The following DUSP16 variants were observed in gnomAD, a reference collection of about 807,000 sequenced individuals.
The protein encoded by DUSP16 is dual specificity phosphatase 16.
In DUSP16, 21 loss-of-function variants were observed where a neutral mutation model predicts 58.3. That is an observed-to-expected ratio of 0.36 (90% CI 0.26 to 0.52). The LOEUF is 0.52. Among genes scored for constraint, DUSP16 ranks in the 20% least tolerant of loss-of-function variants. DUSP16 has a pLI of 0.94. For missense variants in DUSP16, 726 were observed against 819.0 expected, an observed-to-expected ratio of 0.89 and a Z score of 1.39; for synonymous variants, 320 against 323.8, an observed-to-expected ratio of 0.99 and a Z score of 0.12.
chr12:12,553,272 AG>A (rs1294150789), intron 1 of DUSP16, among the ~76,000 whole-genome samples: 1 of 152,188 alleles, frequency 6.6e-6, no homozygotes, highest in East Asian at 1.9e-4. Flanking sequence ...ACAAAAAAAT[AG>A]CACTTTTAAG....
intron 2 of DUSP16, 86 bp downstream of exon 2, chr12:12,520,785 T>G: frequency 6.7e-7 from 1 of 1,481,970 alleles, no homozygotes; most frequent in Non-Finnish European, 9.1e-7. Context: ...AATTACTTTC[T>G]CTACTTAAAG....
rs1255427367 is a variant in DUSP16 at position 12,562,258 on chromosome 12, G to C, written c.-507C>G. 1 of 151,296 alleles carries C rather than the reference G, an allele frequency of 6.6e-6. No individual in the cohort carries two copies. Among genetic ancestry groups the C allele is most frequent in the Non-Finnish European group, 1.5e-5 (1 of 67,848 alleles). The allele number at this position is 151,296 out of a possible 1,614,324, so 9.4% of individuals were successfully genotyped here. Reference sequence around the variant, plus strand: ...GCGGCTGCGCTCCCGCTCGCGTCCCGTCCCGTCGCTCTCCTCCTCCTCTTC... The same window carrying C: ...GCGGCTGCGCTCCCGCTCGCGTCCCCTCCCGTCGCTCTCCTCCTCCTCTTC... On this transcript the variant is annotated 5_prime_UTR_variant, in exon 1 of 7. Coordinates refer to ENST00000298573, the MANE Select transcript of DUSP16 (RefSeq NM_030640.3).
chr12:12,557,995 C>G lies in DUSP16; in HGVS notation c.-366+4122G>C, dbSNP rs376488521. ...AATTCTATTATCTCTATGAAGATTA[C>G]CTCCCTGAGCCCTCTTTCTCTTTTG... On this transcript the variant is annotated intron_variant, in intron 1 of 6. Coordinates refer to ENST00000298573, the MANE Select transcript of DUSP16 (RefSeq NM_030640.3). 6.6e-5 allele frequency among the ~76,000 whole-genome samples: 10 copies of G among 152,236 alleles called. No individual in the cohort carries two copies. The East Asian group carries it at 1.7e-3, about 26-fold the overall frequency.
At position 12,500,694 on chromosome 12, in the gene DUSP16, C is replaced by T. The variant is rs1427498786; in HGVS notation, c.368-12G>A. ...CTCAGCAAACCCACCTAAGAATAAA[C>T]ATTATAAAATTATAAAAAATTATGC... is the stretch of plus-strand genomic sequence containing the variant. On this transcript the variant is annotated splice_polypyrimidine_tract_variant and intron_variant, in intron 3 of 6. Transcript: ENST00000298573. 3.2e-6 allele frequency: 5 copies of T among 1,538,768 alleles called. No individual in the cohort carries two copies. The East Asian group carries it at 9.5e-5, about 29-fold the overall frequency.
intron 1 of DUSP16, chr12:12,561,049 CAGAGT>C (rs1223008771): frequency 4.0e-5 from 6 of 150,558 alleles, no homozygotes; most frequent in South Asian, 2.1e-4. Flanking sequence ...CTTGAAAGAG[CAGAGT>C]ATTTACTTAT....
intron 1 of DUSP16, among the ~76,000 whole-genome samples, chr12:12,531,273 C>G (rs1213948804): frequency 6.6e-6 from 1 of 152,168 alleles, no homozygotes; most frequent in Admixed American, 6.5e-5. Flanking sequence ...CCCACCTGCA[C>G]TCAAGCTCAA....
At chr12:12,492,044 G>C (rs961147504) in intron 4 of DUSP16, among the ~76,000 whole-genome samples, 3 of 151,838 alleles carry the variant, frequency 2.0e-5, no homozygotes, top group Non-Finnish European at 4.4e-5. Context: ...TCAATTGTTC[G>C]TACTCACTTG....
In DUSP16 at chr12:12,478,028, G is replaced by A. The variant is rs767139268; in HGVS notation, c.816-13C>T. 1.3e-6 allele frequency: 2 copies of A among 1,545,774 alleles called. No homozygotes were observed. Among genetic ancestry groups the A allele is most frequent in the East Asian group, 2.3e-5 (1 of 43,926 alleles). ...TTCTTTCACAAATCTGCAGAGAGAG[G>A]AAAAAACAAAAACCCGAATTTTACA... On this transcript the variant is annotated splice_polypyrimidine_tract_variant and intron_variant, in intron 6 of 6. Coordinates refer to ENST00000298573, the MANE Select transcript of DUSP16 (RefSeq NM_030640.3).
intron 5 of DUSP16, among the ~76,000 whole-genome samples, chr12:12,483,245 G>A (rs773058028): frequency 6.6e-6 from 1 of 152,134 alleles, no homozygotes; most frequent in Non-Finnish European, 1.5e-5. Flanking sequence ...GTGTTACAGA[G>A]TCCAGCTCAA....
At chr12:12,522,867 A>T (rs73063437) in intron 1 of DUSP16, among the ~76,000 whole-genome samples, 12,187 of 152,166 alleles carry the variant, frequency 0.08, 530 homozygotes, top group Non-Finnish European at 0.096. Flanking sequence ...CCCAGCCTAG[A>T]GGGTAAATAT....
chr12:12,526,862 TCTGCTA>T lies in DUSP16; in HGVS notation c.-365-5405_-365-5400del, dbSNP rs546404887. On this transcript the variant is annotated intron_variant, in intron 1 of 6. Transcript: ENST00000298573. ...TTTTCTGCTGGCAGCAATAGTTTCA[TCTGCTA>T]CTGCTACTGCTGCCCTAAAACACCC... Among the ~76,000 whole-genome samples, 645 of 152,316 alleles carry T rather than the reference TCTGCTA, an allele frequency of 4.2e-3. 2 individuals are homozygous for T. The highest frequency in any genetic ancestry group is 0.012 in the African/African-American group (501 of 41,548).
intron 1 of DUSP16, among the ~76,000 whole-genome samples, chr12:12,549,288 T>C (rs147339063): frequency 3.3e-4 from 50 of 151,966 alleles, no homozygotes; most frequent in African/African-American, 8.9e-4. Flanking sequence ...AGGCAGACTA[T>C]CTAGTATAGT....
chr12:12,555,015 A>G (rs1039106086), intron 1 of DUSP16, among the ~76,000 whole-genome samples: 11 of 152,258 alleles, frequency 7.2e-5, no homozygotes, highest in Admixed American at 7.2e-4. Context: ...ACCAAACAAT[A>G]ACAACAAAAA....
intron 2 of DUSP16, among the ~76,000 whole-genome samples, chr12:12,520,457 T>C (rs895728236): frequency 1.4e-4 from 22 of 152,302 alleles, no homozygotes; most frequent in African/African-American, 5.3e-4. Context: ...ATAACTTCCC[T>C]TGAAGATATC....
intron 3 of DUSP16, chr12:12,506,064 T>G (rs1412976483): frequency 6.6e-6 from 1 of 152,180 alleles, no homozygotes; most frequent in Non-Finnish European, 1.5e-5. Context: ...CCTCCTTCAT[T>G]GACAGTTTTT....
At chr12:12,544,572 G>A (rs1233378828) in intron 1 of DUSP16, among the ~76,000 whole-genome samples, 1 of 152,016 alleles carries the variant, frequency 6.6e-6, no homozygotes, top group Non-Finnish European at 1.5e-5. Context: ...TACAATTCCA[G>A]AATCCATACA....
At chr12:12,501,832 A>G (rs749472316) in intron 3 of DUSP16, among the ~76,000 whole-genome samples, 10 of 152,160 alleles carry the variant, frequency 6.6e-5, no homozygotes, top group Non-Finnish European at 1.5e-4. Context: ...TCTACTAAAA[A>G]TACAAAAATT....
At chr12:12,523,640 C>T (rs1944264654) in intron 1 of DUSP16, among the ~76,000 whole-genome samples, 1 of 152,208 alleles carries the variant, frequency 6.6e-6, no homozygotes, top group African/African-American at 2.4e-5. Context: ...CTATTTTCAA[C>T]TGAAGGAACT....
At chr12:12,480,451 G>A (rs1943543123) in intron 5 of DUSP16, 105 bp from the exon 6 acceptor site, 12 of 1,341,472 alleles carry the variant, frequency 8.9e-6, no homozygotes, top group East Asian at 7.0e-5. Flanking sequence ...AAACCTCTAC[G>A]CAAATCTCAT....
Sources: allele counts gnomAD v4.1 joint callset (sites outside exome capture counted in the v4.1 genomes callset), GRCh38; gene constraint gnomAD v4.1.1; transcripts MANE v1.5; gene names NCBI Gene and HGNC (gene_info 2026-07-23, HGNC 2026-07-21).